Variants in EMC8 observed in about 807,000 individuals in gnomAD.
The protein encoded by EMC8 is ER membrane protein complex subunit 8.
In EMC8, 11 loss-of-function variants were observed where a neutral mutation model predicts 24.3. That is an observed-to-expected ratio of 0.45 (90% CI 0.28 to 0.75). The LOEUF is 0.75. Among genes scored for constraint, EMC8 ranks in the 30% least tolerant of loss-of-function variants. The pLI, the probability that EMC8 is intolerant of heterozygous loss-of-function variation, is 0.12. For synonymous variants in EMC8, 145 were observed against 117.7 expected, an observed-to-expected ratio of 1.23 and a Z score of -1.50; for missense variants, 277 against 282.7, an observed-to-expected ratio of 0.98 and a Z score of 0.14.
intron 2 of EMC8, among the ~76,000 whole-genome samples, chr16:85,783,447 C>G (rs1004843979): frequency 6.6e-6 from 1 of 152,196 alleles, no homozygotes; most frequent in Admixed American, 6.5e-5. Flanking sequence ...GCACGTGCTA[C>G]GAAGCTCAGC....
chr16:85,794,652 G>A (rs910543101), intron 1 of EMC8, among the ~76,000 whole-genome samples: 20 of 152,320 alleles, frequency 1.3e-4, no homozygotes, highest in Non-Finnish European at 2.6e-4. Context: ...TCGCTCCACT[G>A]CACTCCAGCC....
At chr16:85,787,383 G>T (rs1904802765) in intron 2 of EMC8, among the ~76,000 whole-genome samples, 1 of 152,220 alleles carries the variant, frequency 6.6e-6, no homozygotes, top group Non-Finnish European at 1.5e-5. Context: ...GCCCCCTGCA[G>T]GGGCCGCTGT....
intron 1 of EMC8, among the ~76,000 whole-genome samples, chr16:85,791,754 T>G (rs933304150): frequency 5.3e-5 from 8 of 152,188 alleles, no homozygotes; most frequent in African/African-American, 1.9e-4. Flanking sequence ...GCCACATCAC[T>G]CTGACCTCTG....
chr16:85,799,031 G>T lies in EMC8; in HGVS notation c.231+34C>A. 1.4e-6 allele frequency: 2 copies of T among 1,415,530 alleles called. No homozygotes were observed. Among genetic ancestry groups the T allele is most frequent in the Non-Finnish European group, 9.7e-7 (1 of 1,034,894 alleles). 87.7% of individuals were successfully genotyped at this position (1,415,530 alleles called of 1,614,324 possible). A position where few individuals can be genotyped will look rare whatever the true frequency, so the allele number is the denominator to read the frequency against. ...CTGCTGACTGAGGGGAGGCCAGGCTGCCTGCAAGGGGAAGGGGCCCTTTCC... is the reference window on the plus strand; with the variant it reads ...CTGCTGACTGAGGGGAGGCCAGGCTTCCTGCAAGGGGAAGGGGCCCTTTCC... On this transcript the variant is annotated intron_variant, in intron 1 of 4. Transcript: ENST00000253457. This position sits in a 1 kb window ranked among gnomAD's most constrained non-coding sequence, Gnocchi z 4.2.
chr16:85,791,194 T>G (rs1904995147), intron 1 of EMC8, among the ~76,000 whole-genome samples: 1 of 152,146 alleles, frequency 6.6e-6, no homozygotes, highest in South Asian at 2.1e-4. Flanking sequence ...GATTATCATA[T>G]GATTGTTTTT....
At chr16:85,783,042 G>A (rs1904582871) in intron 2 of EMC8, among the ~76,000 whole-genome samples, 1 of 152,190 alleles carries the variant, frequency 6.6e-6, no homozygotes, top group Admixed American at 6.5e-5. Flanking sequence ...GCTCACGCCT[G>A]TAATCCCTGC....
chr16:85,796,473 G>A (rs1053957832), intron 1 of EMC8, among the ~76,000 whole-genome samples: 39 of 152,132 alleles, frequency 2.6e-4, no homozygotes, highest in African/African-American at 9.4e-4. Flanking sequence ...TTCTGCTGCA[G>A]GCTGGGGCCA....
At chr16:85,798,567 C>T (rs1188227957) in intron 1 of EMC8, 2 of 156,494 alleles carry the variant, frequency 1.3e-5, no homozygotes. Flanking sequence ...CAGATCTGAC[C>T]ATGCAACTAC....
In EMC8 at chr16:85,779,598, A is replaced by G; in HGVS notation, c.*110T>C. On this transcript the variant is annotated 3_prime_UTR_variant, in exon 5 of 5. Transcript: ENST00000253457. Reference sequence around the variant, plus strand: ...CTTTCAAGGCACATGCCACTTCTTAAAACGGTCAGCTTTCCACACAGGCTA... The same window carrying G: ...CTTTCAAGGCACATGCCACTTCTTAGAACGGTCAGCTTTCCACACAGGCTA... 2 of 1,190,514 alleles carry G rather than the reference A, an allele frequency of 1.7e-6. No individual in the cohort carries two copies. Among genetic ancestry groups the G allele is most frequent in the African/African-American group, 1.5e-5 (1 of 66,472 alleles). 73.7% of individuals were successfully genotyped at this position (1,190,514 alleles called of 1,614,324 possible).
At chr16:85,788,908 C>T (rs934513206) in intron 2 of EMC8, 66 bp downstream of exon 2, 9 of 1,169,242 alleles carry the variant, frequency 7.7e-6, no homozygotes, top group African/African-American at 4.5e-5. Context: ...GAAAAGCACA[C>T]GAGAGACGGG....
chr16:85,787,102 C>T (rs994278941), intron 2 of EMC8, among the ~76,000 whole-genome samples: 4 of 152,144 alleles, frequency 2.6e-5, no homozygotes, highest in African/African-American at 9.7e-5. Flanking sequence ...GTTCAAAATG[C>T]TTCTGAGCAC....
chr16:85,780,938 G>A (rs534057907), intron 3 of EMC8: 16 of 522,356 alleles, frequency 3.1e-5, no homozygotes, highest in Admixed American at 6.6e-5. Flanking sequence ...GGGGTCTGGG[G>A]TGGGTGCCTG....
intron 3 of EMC8, 157 bp downstream of exon 3, chr16:85,781,054 C>T (rs554632193): frequency 1.6e-6 from 1 of 608,662 alleles, no homozygotes; most frequent in Non-Finnish European, 2.9e-6. Context: ...TGGGATTCAA[C>T]TGGTCTGCAG....
At chr16:85,797,701 G>T (rs1335027977) in intron 1 of EMC8, among the ~76,000 whole-genome samples, 2 of 152,164 alleles carry the variant, frequency 1.3e-5, no homozygotes, top group East Asian at 1.9e-4. Flanking sequence ...ATAAATGGTA[G>T]ATTATGAAAT....
At position 85,779,683 on chromosome 16, in the gene EMC8, G is replaced by A. The variant is rs147709887; in HGVS notation, c.*25C>T. On this transcript the variant is annotated 3_prime_UTR_variant, in exon 5 of 5. Transcript: ENST00000253457. ...CTTCTTCAACGTAGTGGAAAGGCCC[G>A]GAGCCCAGTCACAGCGGTGCCTGCC... is the stretch of plus-strand genomic sequence containing the variant. 2.6e-4 allele frequency: 419 copies of A among 1,610,390 alleles called. No individual in the cohort carries two copies. The highest frequency in any genetic ancestry group is 1.1e-3 in the East Asian group (49 of 44,816).
Position 85,799,075 on chromosome 16 carries a change from G to C in EMC8, c.221C>G (p.Ala74Gly). Reference protein sequence around the residue: ...TLALAPMLEVALTLIDSWCKD... With the variant: ...TLALAPMLEVGLTLIDSWCKD... The stretch of plus-strand genomic sequence containing the variant: ...CCTTTCCGCGCTTACCAGGGTGAGA[G>C]CCACCTCCAGCATGGGGGCGAGGGC... Residue 74 changes from alanine to glycine, a missense_variant, in exon 1 of 5, where the codon GCT (alanine) becomes GGT (glycine). Ala to Gly is a moderately conservative substitution (Grantham distance 60). Transcript: ENST00000253457. The surrounding 1 kb of genome is among the most constrained non-coding windows in gnomAD (Gnocchi z 4.2). 2 of 1,550,788 alleles carry C rather than the reference G, an allele frequency of 1.3e-6. No individual in the cohort carries two copies. Among genetic ancestry groups the C allele is most frequent in the Non-Finnish European group, 8.7e-7 (1 of 1,145,992 alleles).
At chr16:85,779,930 C>A (rs1904409140) in intron 4 of EMC8, 63 bp from the exon 5 acceptor site, 1 of 1,460,956 alleles carries the variant, frequency 6.8e-7, no homozygotes. Context: ...GTAACAGCAT[C>A]AAGAGAGAAG....
Position 85,780,434 on chromosome 16 carries a change from T to G in EMC8, c.418A>C (p.Thr140Pro), listed in dbSNP as rs768772597. 1 of 1,614,210 alleles carries G rather than the reference T, an allele frequency of 6.2e-7. No homozygotes were observed. Among genetic ancestry groups the G allele is most frequent in the Non-Finnish European group, 8.5e-7 (1 of 1,180,008 alleles). Residue 140 changes from threonine (T) to proline (P), a missense_variant, in exon 4 of 5, where the codon ACG (threonine) becomes CCG (proline). Thr to Pro is a conservative substitution (Grantham distance 38). Transcript: ENST00000253457. ...TCATGGTGCTCGTACACGTGGATCG[T>G]AGGCGCTACGCAGTCCATCGTAAAC... ...TKFTMDCVAPTIHVYEHHENR... is the reference protein window; with the variant it reads ...TKFTMDCVAPPIHVYEHHENR...
At position 85,782,384 on chromosome 16, in the gene EMC8, G is replaced by C. The variant is rs190198525; in HGVS notation, c.309-1104C>G. On this transcript the variant is annotated intron_variant, in intron 2 of 4. Coordinates refer to ENST00000253457, the MANE Select transcript of EMC8 (RefSeq NM_006067.5). Reference sequence around the variant, plus strand: ...TTAAGTTAATAGAGCTAATAATAGAGCAGCTCCTCCACCATTCCTGCACCA... The same window carrying C: ...TTAAGTTAATAGAGCTAATAATAGACCAGCTCCTCCACCATTCCTGCACCA... Among the ~76,000 whole-genome samples, 312 of 152,296 alleles carry C rather than the reference G, an allele frequency of 2.0e-3. 3 individuals are homozygous for C. The highest frequency in any genetic ancestry group is 9.1e-3 in the South Asian group (44 of 4,820).
Sources: gnomAD v4.1 joint callset for allele counts (sites outside exome capture counted in the v4.1 genomes callset) on GRCh38, gnomAD v4.1.1 for gene constraint, Gnocchi (gnomAD v3.1) non-coding constraint, MANE v1.5 for transcripts, NCBI Gene and HGNC (gene_info 2026-07-23, HGNC 2026-07-21) for gene names.